SAMMSON: variants seen among roughly 807,000 people sequenced by gnomAD.
SAMMSON encodes long intergenic non-protein coding RNA 1212.
chr3:70,313,104 A>G (rs917751160), intron 7 of SAMMSON, among the ~76,000 whole-genome samples: 1 of 152,178 alleles, frequency 6.6e-6, no homozygotes, highest in Non-Finnish European at 1.5e-5. Context: ...TCATCTGTAG[A>G]TATTCCAAAG....
chr3:70,139,126 C>A (rs749349507), intron 4 of SAMMSON, among the ~76,000 whole-genome samples: 8 of 152,150 alleles, frequency 5.3e-5, no homozygotes, highest in Non-Finnish European at 8.8e-5. Context: ...CAAATCTATA[C>A]TGGATATTAG....
chr3:70,023,763 G>A (rs1421540458), intron 3 of SAMMSON, among the ~76,000 whole-genome samples: 6 of 152,114 alleles, frequency 3.9e-5, no homozygotes, highest in Non-Finnish European at 7.3e-5. Flanking sequence ...CTCTTGCCAT[G>A]TCCATTTCTT....
chr3:70,317,412 A>AT (rs1163821655), intron 7 of SAMMSON, among the ~76,000 whole-genome samples: 9 of 151,878 alleles, frequency 5.9e-5, no homozygotes, highest in Non-Finnish European at 8.8e-5. Flanking sequence ...GATAAGTACA[A>AT]TTTTTTTAGA....
chr3:70,426,407 G>C (rs1383270617), intron 2 of SAMMSON, among the ~76,000 whole-genome samples: 1 of 152,186 alleles, frequency 6.6e-6, no homozygotes, highest in African/African-American at 2.4e-5. Context: ...AAATCATTTT[G>C]AGGAGACAAC....
At chr3:70,217,073 T>C (rs1701419088) in intron 4 of SAMMSON, among the ~76,000 whole-genome samples, 1 of 152,262 alleles carries the variant, frequency 6.6e-6, no homozygotes, top group South Asian at 2.1e-4. Context: ...ATATTTTATT[T>C]GTTTACTTGC....
At chr3:70,409,907 A>G (rs1043530377) in intron 2 of SAMMSON, among the ~76,000 whole-genome samples, 4 of 152,136 alleles carry the variant, frequency 2.6e-5, no homozygotes, top group Non-Finnish European at 5.9e-5. Flanking sequence ...GGTTTGGGGT[A>G]TGACTGATCC....
chr3:70,029,986 G>T (rs957338584), intron 3 of SAMMSON, among the ~76,000 whole-genome samples: 8 of 152,054 alleles, frequency 5.3e-5, no homozygotes, highest in Admixed American at 5.2e-4. Context: ...CCATTGTAAA[G>T]AAAAGAACTT....
chr3:70,323,499 A>G lies in SAMMSON; in HGVS notation n.740-30676A>G, dbSNP rs1438148459. On this transcript the variant is annotated intron_variant and non_coding_transcript_variant, in intron 7 of 9. Coordinates refer to ENST00000642114, the Ensembl canonical transcript of SAMMSON. The stretch of plus-strand genomic sequence containing the variant: ...TGCCTGATCCATGTTGTAAGCTGGT[A>G]CATGCAGCCATGCAGGCTGCGCACT... Among the ~76,000 whole-genome samples, 3 of 152,168 alleles carry G rather than the reference A, an allele frequency of 2.0e-5. No individual in the cohort carries two copies. The East Asian group carries it at 5.8e-4, about 29-fold the overall frequency.
At chr3:70,316,405 G>C (rs536687789) in intron 7 of SAMMSON, among the ~76,000 whole-genome samples, 10 of 152,132 alleles carry the variant, frequency 6.6e-5, no homozygotes, top group Admixed American at 5.9e-4. Flanking sequence ...CTGAATTTGA[G>C]GACTATCATT....
chr3:70,044,632 G>A (rs1307719130), intron 3 of SAMMSON, among the ~76,000 whole-genome samples: 1 of 151,834 alleles, frequency 6.6e-6, no homozygotes, highest in African/African-American at 2.4e-5. Flanking sequence ...TACACAATGT[G>A]CAAGACAGAC....
At chr3:70,279,589 C>A (rs55691252) in intron 6 of SAMMSON, among the ~76,000 whole-genome samples, 3 of 152,138 alleles carry the variant, frequency 2.0e-5, no homozygotes, top group African/African-American at 2.4e-5. Flanking sequence ...CCAGTCCAGA[C>A]GGAATCTGGG....
chr3:70,337,253 A>G (rs1702672377), intron 7 of SAMMSON, among the ~76,000 whole-genome samples: 1 of 149,940 alleles, frequency 6.7e-6, no homozygotes, highest in South Asian at 2.1e-4. Flanking sequence ...AACTCCCTTA[A>G]TAGGGAGTTT....
At chr3:70,375,652 A>G (rs1016537825) in intron 9 of SAMMSON, among the ~76,000 whole-genome samples, 2 of 152,158 alleles carry the variant, frequency 1.3e-5, no homozygotes, top group Non-Finnish European at 2.9e-5. Flanking sequence ...GATTATTTGC[A>G]TATGCCAACT....
intron 4 of SAMMSON, among the ~76,000 whole-genome samples, chr3:70,184,983 G>T (rs576049303): frequency 6.6e-6 from 1 of 152,298 alleles, no homozygotes; most frequent in Admixed American, 6.5e-5. Flanking sequence ...AGTCCTTTTT[G>T]ATTAGGTGTA....
intron 4 of SAMMSON, among the ~76,000 whole-genome samples, chr3:70,168,849 CAA>C (rs1351007038): frequency 6.6e-6 from 1 of 151,966 alleles, no homozygotes; most frequent in Non-Finnish European, 1.5e-5. Context: ...TGCTAAGAAA[CAA>C]TGTGTTACAT....
chr3:70,036,926 A>C (rs1327672643), intron 3 of SAMMSON, among the ~76,000 whole-genome samples: 1 of 152,142 alleles, frequency 6.6e-6, no homozygotes, highest in Non-Finnish European at 1.5e-5. Flanking sequence ...AGAGTAAAAG[A>C]AGGAAATATG....
At chr3:70,377,481 A>G (rs530221713) in intron 9 of SAMMSON, among the ~76,000 whole-genome samples, 15 of 152,248 alleles carry the variant, frequency 9.9e-5, no homozygotes, top group South Asian at 8.3e-4. Context: ...CACAAGATAA[A>G]TAGAAATAAA....
chr3:70,359,437 G>A (rs1702854850), intron 9 of SAMMSON, among the ~76,000 whole-genome samples: 1 of 152,102 alleles, frequency 6.6e-6, no homozygotes, highest in Admixed American at 6.5e-5. Flanking sequence ...TGAAAAAGAA[G>A]AATGCTTTAA....
chr3:70,086,782 C>T (rs1576118299), intron 4 of SAMMSON, among the ~76,000 whole-genome samples: 1 of 152,284 alleles, frequency 6.6e-6, no homozygotes, highest in South Asian at 2.1e-4. Context: ...TGATTAGTTC[C>T]AACAGCAGAG....
Sources: allele counts gnomAD v4.1 joint callset (sites outside exome capture counted in the v4.1 genomes callset), GRCh38; gene constraint gnomAD v4.1.1; transcripts MANE v1.5; gene names NCBI Gene and HGNC (gene_info 2026-07-23, HGNC 2026-07-21).